The following MS4A4A variants were observed in gnomAD, a reference collection of about 807,000 sequenced individuals.
MS4A4A encodes the protein membrane spanning 4-domains A4A, also known as membrane-spanning 4-domains subfamily A member 4A.
In MS4A4A, 26 loss-of-function variants were observed where a neutral mutation model predicts 28.0. The ratio of observed to expected loss-of-function variants is 0.93; its 90% CI spans 0.68 to 1.29. The LOEUF (loss-of-function observed/expected upper bound fraction) is 1.29. MS4A4A is among the 50% of genes most tolerant of loss of function. The pLI is 0.00. For missense variants in MS4A4A, 290 were observed against 293.1 expected, an observed-to-expected ratio of 0.99 and a Z score of 0.08; for synonymous variants, 86 against 100.8, an observed-to-expected ratio of 0.85 and a Z score of 0.88.
chr11:60,289,336 A>T (rs1368351344), intron 1 of MS4A4A, among the ~76,000 whole-genome samples: 1 of 152,030 alleles, frequency 6.6e-6, no homozygotes, highest in Non-Finnish European at 1.5e-5. Context: ...CATGGTGGTG[A>T]TGGGAGCTGC....
intron 2 of MS4A4A, among the ~76,000 whole-genome samples, chr11:60,294,398 CTGT>C (rs772958040): frequency 5.3e-5 from 8 of 152,108 alleles, no homozygotes; most frequent in Non-Finnish European, 1.2e-4. Context: ...TTCTCCCAGT[CTGT>C]TGTTTGTCTT....
At position 60,286,384 on chromosome 11, in the gene MS4A4A, G is replaced by A. The variant is rs149402425; in HGVS notation, c.41+5668G>A. 2.7e-3 allele frequency among the ~76,000 whole-genome samples: 410 copies of A among 152,260 alleles called. 2 individuals carry two copies. Among genetic ancestry groups the A allele is most frequent in the African/African-American group, 9.5e-3 (395 of 41,534 alleles). ...ATAGGAAATTATAAAAGTATTGATT[G>A]GGGAAGTGATAAATGTCCATGAAAT... On this transcript the variant is annotated intron_variant, in intron 1 of 6. Transcript: ENST00000337908.
intron 5 of MS4A4A, among the ~76,000 whole-genome samples, chr11:60,305,099 C>A (rs2084986272): frequency 6.6e-6 from 1 of 152,204 alleles, no homozygotes; most frequent in Admixed American, 6.5e-5. Flanking sequence ...ATAATCCCTG[C>A]ATCAATCCGG....
chr11:60,301,848 C>T (rs919775661), intron 4 of MS4A4A, among the ~76,000 whole-genome samples: 1 of 152,154 alleles, frequency 6.6e-6, no homozygotes, highest in Non-Finnish European at 1.5e-5. Flanking sequence ...GGCGTGATCT[C>T]GGCTCACCGC....
intron 4 of MS4A4A, among the ~76,000 whole-genome samples, chr11:60,301,841 G>A (rs569492911): frequency 2.6e-5 from 4 of 152,252 alleles, no homozygotes; most frequent in African/African-American, 7.2e-5. Context: ...GTGCAATGGC[G>A]TGATCTCGGC....
At chr11:60,288,689 T>A (rs1334200769) in intron 1 of MS4A4A, among the ~76,000 whole-genome samples, 1 of 152,088 alleles carries the variant, frequency 6.6e-6, no homozygotes, top group Non-Finnish European at 1.5e-5. Context: ...CATGGCAATA[T>A]CCCAGGCTGT....
At chr11:60,299,134 T>C (rs1296027390) in intron 3 of MS4A4A, among the ~76,000 whole-genome samples, 1 of 152,242 alleles carries the variant, frequency 6.6e-6, no homozygotes, top group Non-Finnish European at 1.5e-5. Context: ...TGTGTATATA[T>C]AATTTCTGTA....
intron 1 of MS4A4A, chr11:60,282,542 T>G: frequency 1.6e-6 from 2 of 1,266,362 alleles, no homozygotes; most frequent in Middle Eastern, 2.2e-4. Context: ...AAAATGCTGT[T>G]CATGTGTGAG....
intron 3 of MS4A4A, among the ~76,000 whole-genome samples, chr11:60,300,339 G>T (rs1280198922): frequency 6.6e-6 from 1 of 151,844 alleles, no homozygotes; most frequent in South Asian, 2.1e-4. Flanking sequence ...AATATTGGCC[G>T]GGCGCAGTGG....
intron 1 of MS4A4A, among the ~76,000 whole-genome samples, chr11:60,286,066 A>T (rs779274359): frequency 8.5e-5 from 13 of 152,152 alleles, no homozygotes; most frequent in Non-Finnish European, 1.2e-4. Context: ...TCCCAGGGTT[A>T]TTCCTTACTG....
intron 1 of MS4A4A, among the ~76,000 whole-genome samples, chr11:60,283,857 C>A (rs781392990): frequency 6.6e-6 from 1 of 152,202 alleles, no homozygotes; most frequent in African/African-American, 2.4e-5. Flanking sequence ...TCTGAATATA[C>A]CTACTCCATC....
intron 4 of MS4A4A, 144 bp from the exon 5 acceptor site, chr11:60,302,415 A>T: frequency 1.2e-6 from 1 of 831,646 alleles, no homozygotes; most frequent in Non-Finnish European, 1.8e-6. Flanking sequence ...TAGAGTTGAA[A>T]CCACAAGACA....
At chr11:60,283,708 G>A (rs912638165) in intron 1 of MS4A4A, among the ~76,000 whole-genome samples, 3 of 152,146 alleles carry the variant, frequency 2.0e-5, no homozygotes, top group Non-Finnish European at 4.4e-5. Flanking sequence ...CCCAGAGAAG[G>A]ACAATTCCCT....
chr11:60,299,047 T>C lies in MS4A4A; in HGVS notation c.330+1722T>C, dbSNP rs1175610763. ...TTTTTCCTCTGAGATAGTACATACA[T>C]ACTTTTTCCTGTGGCAAATGAAGTC... is the stretch of plus-strand genomic sequence containing the variant. On this transcript the variant is annotated intron_variant, in intron 3 of 6. Transcript: ENST00000337908. Among the ~76,000 whole-genome samples, 3 of 152,336 alleles carry C rather than the reference T, an allele frequency of 2.0e-5. No homozygotes were observed. The East Asian group carries it at 5.8e-4, about 29-fold the overall frequency.
chr11:60,297,033 A>T (rs2084911296), intron 2 of MS4A4A, 164 bp from the exon 3 acceptor site: 1 of 799,768 alleles, frequency 1.3e-6, no homozygotes, highest in African/African-American at 1.7e-5. Context: ...GTAAGATTAC[A>T]TTCACGGTTA....
Position 60,306,129 on chromosome 11 carries a change from T to G in MS4A4A, c.576T>G (p.Ser192Arg). 6.2e-7 allele frequency: 1 copy of G among 1,614,004 alleles called. No individual in the cohort carries two copies. The part of the protein sequence containing the change: ...MGLDGMVLLL[S>R]VLEFCIAVSL... ...TGGATGGCATGGTGCTCCTCCTAAG[T>G]GTGCTGGAATTCTGCATTGCTGTGT... Residue 192 changes from serine (S) to arginine (R), a missense_variant, in exon 6 of 7, where the codon AGT becomes AGG. Transcript: ENST00000337908.
rs190173877 is a variant in MS4A4A at position 60,297,050 on chromosome 11, T to C, written c.202-147T>C. ...AAGATTACATTCACGGTTATTTATGTGAAAAAAGAGTGATAAGAGAATACT... is the reference window on the plus strand; with the variant it reads ...AAGATTACATTCACGGTTATTTATGCGAAAAAAGAGTGATAAGAGAATACT... On this transcript the variant is annotated intron_variant, in intron 2 of 6. Coordinates refer to ENST00000337908, the MANE Select transcript of MS4A4A (RefSeq NM_148975.3). 3 of 918,250 alleles carry C rather than the reference T, an allele frequency of 3.3e-6. No individual in the cohort carries two copies. The East Asian group carries it at 7.7e-5, about 24-fold the overall frequency. The allele number at this position is 918,250 out of a possible 1,614,324, so 56.9% of individuals were successfully genotyped here. A position where few individuals can be genotyped will look rare whatever the true frequency, so the allele number is the denominator to read the frequency against.
chr11:60,296,431 ATTGATTTTGT>A (rs2084905980), intron 2 of MS4A4A, among the ~76,000 whole-genome samples: 1 of 151,610 alleles, frequency 6.6e-6, no homozygotes, highest in African/African-American at 2.4e-5. Context: ...TTTGGATTTT[ATTGATTTTGT>A]TTATTCATGT....
At chr11:60,302,815 A>G in intron 5 of MS4A4A, 98 bp downstream of exon 5, 1 of 1,197,400 alleles carries the variant, frequency 8.4e-7, no homozygotes. Context: ...TAATTGATGA[A>G]TGACTTTGGG....
Sources: gnomAD v4.1 joint callset for allele counts (sites outside exome capture counted in the v4.1 genomes callset) on GRCh38, gnomAD v4.1.1 for gene constraint, MANE v1.5 for transcripts, NCBI Gene and HGNC (gene_info 2026-07-23, HGNC 2026-07-21) for gene names.